Variants in AR observed in about 807,000 individuals in gnomAD.
AR encodes the protein androgen receptor.
AR carries 8 observed loss-of-function variants against 53.9 expected under a neutral mutation model. That is an observed-to-expected ratio of 0.15 (90% CI 0.09 to 0.27). The LOEUF is 0.27. Ranked by LOEUF, AR falls within the 10% of genes least tolerant of loss-of-function variation. The pLI, the probability that AR is intolerant of heterozygous loss-of-function variation, is 1.00. For missense variants in AR, 639 were observed against 742.5 expected (o/e 0.86, Z 1.62); for synonymous variants, 359 against 316.4 (o/e 1.13, Z -1.43).
intron 1 of AR, among the ~76,000 whole-genome samples, chrX:67,557,192 G>A (rs1444253288): frequency 9.0e-6 from 1 of 111,285 alleles, no homozygotes; most frequent in Non-Finnish European, 1.9e-5. Flanking sequence ...TGGGTGAGAG[G>A]TGACCGTGTC....
chrX:67,576,060 A>T (rs1045225677), intron 1 of AR, among the ~76,000 whole-genome samples: 7 of 111,832 alleles, frequency 6.3e-5, no homozygotes, highest in Non-Finnish European at 1.3e-4. Flanking sequence ...TATACTATAC[A>T]GGAAAGATAT....
At chrX:67,558,195 T>C (rs1029940047) in intron 1 of AR, among the ~76,000 whole-genome samples, 4 of 111,997 alleles carry the variant, frequency 3.6e-5, no homozygotes, top group African/African-American at 9.7e-5. Context: ...AAAAGTTACA[T>C]TGGAAAAGTG....
chrX:67,697,294 A>G (rs750676730), intron 3 of AR, among the ~76,000 whole-genome samples: 2 of 111,530 alleles, frequency 1.8e-5, no homozygotes, highest in South Asian at 7.6e-4. Flanking sequence ...ACTTTTTCAG[A>G]AAGTTCACCT....
intron 2 of AR, among the ~76,000 whole-genome samples, chrX:67,645,323 C>T (rs1184902420): frequency 2.7e-5 from 3 of 111,569 alleles, no homozygotes; most frequent in Non-Finnish European, 5.6e-5. Context: ...TCATACATCC[C>T]ACATGGGAGC....
At chrX:67,645,007 G>A (rs1293428456) in intron 2 of AR, among the ~76,000 whole-genome samples, 1 of 110,477 alleles carries the variant, frequency 9.1e-6, no homozygotes, top group South Asian at 3.9e-4. Flanking sequence ...AACTTCCCCA[G>A]TGAGACCCTG....
chrX:67,549,222 A>G (rs1461183092), intron 1 of AR, among the ~76,000 whole-genome samples: 1 of 112,016 alleles, frequency 8.9e-6, no homozygotes, highest in East Asian at 2.8e-4. Context: ...CCAAAGCAAG[A>G]GTGTCTTCCC....
At chrX:67,627,549 A>G (rs1274506199) in intron 1 of AR, among the ~76,000 whole-genome samples, 2 of 111,056 alleles carry the variant, frequency 1.8e-5, no homozygotes, top group Non-Finnish European at 3.8e-5. Flanking sequence ...TCAGATGAGT[A>G]CGTTGCGAAA....
chrX:67,571,223 G>A (rs979708498), intron 1 of AR, among the ~76,000 whole-genome samples: 4 of 111,836 alleles, frequency 3.6e-5, no homozygotes, highest in African/African-American at 9.7e-5. Flanking sequence ...TCCACATGTG[G>A]CTCACTCATT....
intron 1 of AR, among the ~76,000 whole-genome samples, chrX:67,598,115 T>C (rs774691872): frequency 4.6e-4 from 51 of 111,059 alleles, no homozygotes; most frequent in Non-Finnish European, 9.0e-4. Flanking sequence ...CTGCAGAGAA[T>C]TGAAGGAGAT....
At chrX:67,567,355 T>G (rs1921596152) in intron 1 of AR, among the ~76,000 whole-genome samples, 1 of 111,584 alleles carries the variant, frequency 9.0e-6, no homozygotes, top group African/African-American at 3.3e-5. Context: ...TTCCTTAGCT[T>G]CATAAACTTA....
chrX:67,653,019 C>T (rs1208736652), intron 2 of AR, among the ~76,000 whole-genome samples: 1 of 111,779 alleles, frequency 8.9e-6, no homozygotes, highest in Non-Finnish European at 1.9e-5. Context: ...TAGACCCATC[C>T]TGACTACAGT....
intron 3 of AR, among the ~76,000 whole-genome samples, chrX:67,705,320 A>C (rs1406959071): frequency 1.8e-5 from 2 of 110,641 alleles, no homozygotes; most frequent in South Asian, 3.9e-4. Context: ...CTTTTATTTC[A>C]TTGAGCAGTG....
chrX:67,576,066 G>T (rs1482020967), intron 1 of AR, among the ~76,000 whole-genome samples: 2 of 111,619 alleles, frequency 1.8e-5, no homozygotes, highest in African/African-American at 3.3e-5. Context: ...ATACAGGAAA[G>T]ATATTCTGTC....
chrX:67,634,490 G>C lies in AR; in HGVS notation c.1617-8766G>C, dbSNP rs184608822. Among the ~76,000 whole-genome samples the C allele has an allele frequency of 7.2e-5, 8 of 111,734 alleles. No individual in the cohort carries two copies. The East Asian group carries it at 1.7e-3, about 23-fold the overall frequency. ...ATTGAAGTCAAATGAGTTGTTCAAG[G>C]TCCTTCTGTTAGCAAGTGGCAGAGA... is the stretch of plus-strand genomic sequence containing the variant. On this transcript the variant is annotated intron_variant, in intron 1 of 7. Transcript: ENST00000374690.
chrX:67,597,196 T>C (rs1391810317), intron 1 of AR, among the ~76,000 whole-genome samples: 1 of 112,234 alleles, frequency 8.9e-6, no homozygotes. Flanking sequence ...AAAACTCCTC[T>C]ACTTCGTTGT....
At position 67,728,077 on chromosome X, in the gene AR, A is replaced by G. The variant is rs2076164735; in HGVS notation, c.*4236A>G. ...TGTACCTGCTAAGATACCAAAATTC[A>G]TAAGGGCAGGGGGGGAGCAAGCATT... On this transcript the variant is annotated 3_prime_UTR_variant, in exon 8 of 8. Transcript: ENST00000374690. 1.2e-5 allele frequency: 2 copies of G among 172,255 alleles called. No individual in the cohort carries two copies. Among genetic ancestry groups the G allele is most frequent in the Admixed American group, 8.0e-5 (1 of 12,469 alleles). 14.2% of individuals were successfully genotyped at this position (172,255 alleles called of 1,213,427 possible).
intron 1 of AR, among the ~76,000 whole-genome samples, chrX:67,623,391 CA>C (rs1483979999): frequency 1.8e-5 from 2 of 111,509 alleles, no homozygotes; most frequent in African/African-American, 6.5e-5. Flanking sequence ...GGGATATAAA[CA>C]GTGGATCAAA....
intron 1 of AR, among the ~76,000 whole-genome samples, chrX:67,556,158 T>C (rs1020553380): frequency 2.7e-5 from 3 of 111,733 alleles, no homozygotes; most frequent in Admixed American, 9.5e-5. Flanking sequence ...ATAGTATTCA[T>C]ACTATTACAG....
At chrX:67,681,185 T>A (rs2075931710) in intron 2 of AR, among the ~76,000 whole-genome samples, 1 of 111,861 alleles carries the variant, frequency 8.9e-6, no homozygotes, top group Admixed American at 9.5e-5. Flanking sequence ...ACAACTTTGC[T>A]GTTGGAAATT....
Sources: allele counts gnomAD v4.1 joint callset (sites outside exome capture counted in the v4.1 genomes callset), GRCh38; gene constraint gnomAD v4.1.1; transcripts MANE v1.5; gene names NCBI Gene and HGNC (gene_info 2026-07-23, HGNC 2026-07-21).